Variants in GPC6 observed in about 807,000 individuals in gnomAD.
GPC6 encodes the protein glypican 6, also known as glypican-6.
Under a neutral mutation model 55.2 loss-of-function variants are expected in GPC6, and 14 were observed. That is an observed-to-expected ratio of 0.25 (90% confidence interval 0.17 to 0.40). The LOEUF is 0.40. Ranked by LOEUF, GPC6 falls within the 10% of genes least tolerant of loss-of-function variation. The probability of loss-of-function intolerance (pLI) is 1.00; values close to 1 mark genes in which losing one functional copy is unlikely to be tolerated. For missense variants in GPC6, 641 were observed against 708.5 expected, an observed-to-expected ratio of 0.90 and a Z score of 1.08; for synonymous variants, 278 against 259.6, an observed-to-expected ratio of 1.07 and a Z score of -0.68.
At chr13:94,318,022 T>G (rs558135907) in intron 6 of GPC6, among the ~76,000 whole-genome samples, 1 of 152,240 alleles carries the variant, frequency 6.6e-6, no homozygotes, top group Non-Finnish European at 1.5e-5. Flanking sequence ...TCACTACTTT[T>G]TAAAATTCAG....
Position 93,227,511 on chromosome 13 carries a change from C to T in GPC6, c.55C>T (p.Leu19Phe). The T allele has an allele frequency of 6.2e-7, 1 of 1,613,906 alleles. No homozygotes were observed. The highest frequency in any genetic ancestry group is 8.5e-7 in the Non-Finnish European group (1 of 1,179,810). The change falls in exon 1 of 9, where the codon CTC (leucine) becomes TTC (phenylalanine). Residue 19 changes from leucine (L) to phenylalanine (F), a missense_variant. By Grantham distance (22) the Leu-to-Phe change is conservative (BLOSUM62 0). Coordinates refer to ENST00000377047, the MANE Select transcript of GPC6 (RefSeq NM_005708.5). This position sits in a 1 kb window ranked among gnomAD's most constrained non-coding sequence, Gnocchi z 4.3. ...TCCCCTCTTGGGGCTGCTGCTCTCC[C>T]TCCCCGCCGGGGCGGATGTGAAGGC... ...ILPLLGLLLS[L>F]PAGADVKARS...
chr13:93,910,118 C>G (rs889571086), intron 3 of GPC6, among the ~76,000 whole-genome samples: 4 of 151,886 alleles, frequency 2.6e-5, no homozygotes, highest in African/African-American at 9.7e-5. Flanking sequence ...TGTGTTCCCA[C>G]CCAAATATCA....
chr13:94,372,622 CA>C (rs1208837384), intron 6 of GPC6, among the ~76,000 whole-genome samples: 2 of 152,052 alleles, frequency 1.3e-5, no homozygotes, highest in African/African-American at 4.8e-5. Flanking sequence ...TGCAAGGCGG[CA>C]GCGAGGCTGG....
chr13:93,637,743 C>T (rs1002843190), intron 2 of GPC6, among the ~76,000 whole-genome samples: 5 of 152,006 alleles, frequency 3.3e-5, no homozygotes, highest in Non-Finnish European at 5.9e-5. Flanking sequence ...TTTAAGGAAG[C>T]CTGCTAAAAA....
intron 2 of GPC6, among the ~76,000 whole-genome samples, chr13:93,581,144 A>C (rs1033286979): frequency 1.9e-4 from 29 of 152,212 alleles, no homozygotes; most frequent in African/African-American, 6.8e-4. Flanking sequence ...AAAAACTAAA[A>C]AGGCTGACTC....
chr13:93,701,364 TA>T (rs910140609), intron 2 of GPC6, among the ~76,000 whole-genome samples: 31 of 151,968 alleles, frequency 2.0e-4, no homozygotes, highest in Non-Finnish European at 2.5e-4. Context: ...CATTATGGAT[TA>T]AAAAAAGTAC....
chr13:93,693,571 T>C (rs930023710), intron 2 of GPC6, among the ~76,000 whole-genome samples: 2 of 151,588 alleles, frequency 1.3e-5, no homozygotes, highest in Admixed American at 1.3e-4. Flanking sequence ...CTCTGTCTCC[T>C]GGGCGCAAGC....
At chr13:93,756,820 G>A (rs1007019417) in intron 2 of GPC6, among the ~76,000 whole-genome samples, 1 of 152,130 alleles carries the variant, frequency 6.6e-6, no homozygotes, top group South Asian at 2.1e-4. Context: ...TTGTTTTAGA[G>A]GCTTGATAGG....
intron 4 of GPC6, among the ~76,000 whole-genome samples, chr13:94,166,020 C>T (rs78315799): frequency 0.024 from 3,713 of 152,116 alleles, 73 homozygotes; most frequent in Non-Finnish European, 0.037. Flanking sequence ...AAGTAGGGCA[C>T]GTTAAATTTC....
intron 3 of GPC6, among the ~76,000 whole-genome samples, chr13:93,973,643 G>A (rs3904817): frequency 0.17 from 25,420 of 152,042 alleles, 2,219 homozygotes; most frequent in East Asian, 0.27. Context: ...TTATTAAAAC[G>A]TTTGATGAAA....
At chr13:93,946,431 C>A (rs1312682515) in intron 3 of GPC6, among the ~76,000 whole-genome samples, 1 of 152,030 alleles carries the variant, frequency 6.6e-6, no homozygotes, top group East Asian at 1.9e-4. Context: ...CGCTCTCGCC[C>A]CAAACTTTAT....
rs1225543767 is a variant in GPC6 at position 93,227,008 on chromosome 13, T to C, written c.-449T>C. On this transcript the variant is annotated 5_prime_UTR_variant, in exon 1 of 9. Transcript: ENST00000377047. The surrounding 1 kb of genome is among the most constrained non-coding windows in gnomAD (Gnocchi z 4.3). ...AACAGACACACGCGCGCATACACAC[T>C]CGCTCTCGCTTGTCCATCTCCCTCC... The C allele has an allele frequency of 1.3e-5, 2 of 157,558 alleles. No individual in the cohort carries two copies. The highest frequency in any genetic ancestry group is 4.8e-5 in the African/African-American group (2 of 41,458). The allele number at this position is 157,558 out of a possible 1,614,324, so 9.8% of individuals were successfully genotyped here. A position where few individuals can be genotyped will look rare whatever the true frequency, so the allele number is the denominator to read the frequency against.
At chr13:93,624,290 G>A (rs1265926508) in intron 2 of GPC6, among the ~76,000 whole-genome samples, 2 of 152,006 alleles carry the variant, frequency 1.3e-5, no homozygotes, top group African/African-American at 4.8e-5. Context: ...GCAAATCTAA[G>A]GAGCTCTCTT....
intron 1 of GPC6, among the ~76,000 whole-genome samples, chr13:93,354,088 C>T (rs7989707): frequency 0.15 from 22,051 of 152,064 alleles, 1,851 homozygotes; most frequent in East Asian, 0.42. Context: ...AAAATGCACT[C>T]AAGTCTAACC....
intron 4 of GPC6, among the ~76,000 whole-genome samples, chr13:94,175,204 C>T (rs1305407242): frequency 6.6e-6 from 1 of 152,136 alleles, no homozygotes; most frequent in Non-Finnish European, 1.5e-5. Context: ...GCCTCTATTG[C>T]AGGACTGGCA....
rs569609049 is a variant in GPC6 at position 94,325,713 on chromosome 13, A to C, written c.1152+19590A>C. The stretch of plus-strand genomic sequence containing the variant: ...TACATATTTTTGTCTTCTGGGTTCA[A>C]ATAATTGCATTTTCTTGGATTGAGG... On this transcript the variant is annotated intron_variant, in intron 6 of 8. Coordinates refer to ENST00000377047, the MANE Select transcript of GPC6 (RefSeq NM_005708.5). Among the ~76,000 whole-genome samples the C allele has an allele frequency of 5.9e-5, 9 of 152,292 alleles. No homozygotes were observed. In the South Asian group the frequency reaches 1.7e-3, roughly 28 times the overall value.
intron 2 of GPC6, among the ~76,000 whole-genome samples, chr13:93,748,789 T>A (rs16949182): frequency 0.04 from 6,025 of 152,226 alleles, 391 homozygotes; most frequent in African/African-American, 0.14. Flanking sequence ...TTTGAAGGGA[T>A]AAGAGTGTCT....
At chr13:94,024,328 A>G (rs372970524) in intron 3 of GPC6, among the ~76,000 whole-genome samples, 2 of 152,306 alleles carry the variant, frequency 1.3e-5, no homozygotes, top group East Asian at 1.9e-4. Context: ...TAATTTCAAA[A>G]TGAAAAGATT....
intron 1 of GPC6, among the ~76,000 whole-genome samples, chr13:93,365,460 T>C (rs1048250652): frequency 6.6e-6 from 1 of 152,110 alleles, no homozygotes; most frequent in Admixed American, 6.6e-5. Flanking sequence ...CTTTGCCTTG[T>C]AGGGGTTTTA....
Sources: allele counts gnomAD v4.1 joint callset (sites outside exome capture counted in the v4.1 genomes callset), GRCh38; gene constraint gnomAD v4.1.1; non-coding constraint Gnocchi (gnomAD v3.1); transcripts MANE v1.5; gene names NCBI Gene and HGNC (gene_info 2026-07-23, HGNC 2026-07-21).